Variants in CADM2 observed in about 807,000 individuals in gnomAD.
CADM2 encodes the protein cell adhesion molecule 2.
In CADM2, 12 loss-of-function variants were observed where a neutral mutation model predicts 49.8. The observed-to-expected ratio is 0.24, with a 90% CI of 0.15 to 0.39. The LOEUF is 0.39. Among genes scored for constraint, CADM2 ranks in the 10% least tolerant of loss-of-function variants. The pLI is 1.00. For synonymous variants in CADM2, 214 were observed against 175.4 expected (o/e 1.22, Z -1.74); for missense variants, 378 against 492.3 (o/e 0.77, Z 2.20).
At chr3:85,349,261 G>T (rs1201232156) in intron 1 of CADM2, among the ~76,000 whole-genome samples, 2 of 152,170 alleles carry the variant, frequency 1.3e-5, no homozygotes, top group Non-Finnish European at 2.9e-5. Flanking sequence ...AAGTGAAAGA[G>T]TTAAATGAAA....
intron 1 of CADM2, among the ~76,000 whole-genome samples, chr3:85,235,873 A>G (rs925600708): frequency 1.3e-5 from 2 of 152,124 alleles, no homozygotes; most frequent in Non-Finnish European, 2.9e-5. Flanking sequence ...TTAAAAGTCA[A>G]TCCTGTAGGT....
chr3:85,791,020 C>A (rs1297325805), intron 2 of CADM2, among the ~76,000 whole-genome samples: 2 of 152,096 alleles, frequency 1.3e-5, no homozygotes, highest in Non-Finnish European at 2.9e-5. Context: ...ATGTGGTTGC[C>A]TAGGACAGCA....
At chr3:85,412,096 A>G (rs1179631732) in intron 1 of CADM2, among the ~76,000 whole-genome samples, 2 of 152,146 alleles carry the variant, frequency 1.3e-5, no homozygotes, top group Non-Finnish European at 2.9e-5. Context: ...GACCAAAGTT[A>G]TGGGATTAAA....
chr3:85,537,607 GCTATTTAACATGTCATGA>G (rs35882540), intron 1 of CADM2, among the ~76,000 whole-genome samples: 77,442 of 151,456 alleles, frequency 0.51, 22,859 homozygotes, highest in East Asian at 0.85. Context: ...TGTAGATTAT[GCTATTTAACATGTCATGA>G]CTATTTAACA....
chr3:85,448,184 T>A (rs550127870), intron 1 of CADM2, among the ~76,000 whole-genome samples: 3 of 150,978 alleles, frequency 2.0e-5, no homozygotes, highest in Non-Finnish European at 4.4e-5. Context: ...ACAAAAAAAA[T>A]TAGCCAGGCG....
chr3:85,052,354 T>C (rs187467179), intron 1 of CADM2, among the ~76,000 whole-genome samples: 1 of 152,204 alleles, frequency 6.6e-6, no homozygotes, highest in African/African-American at 2.4e-5. Flanking sequence ...AAATCAAGTA[T>C]TACCATTGAC....
intron 1 of CADM2, among the ~76,000 whole-genome samples, chr3:85,145,938 G>T (rs2107636709): frequency 6.6e-6 from 1 of 152,190 alleles, no homozygotes; most frequent in East Asian, 1.9e-4. Context: ...TTAAATAAAA[G>T]AAAGTTCTTC....
At chr3:85,628,676 C>T (rs980675170) in intron 1 of CADM2, among the ~76,000 whole-genome samples, 6 of 145,708 alleles carry the variant, frequency 4.1e-5, no homozygotes, top group African/African-American at 1.0e-4. Context: ...TATATATACA[C>T]ATATATATAT....
intron 1 of CADM2, among the ~76,000 whole-genome samples, chr3:85,354,410 G>C (rs896857131): frequency 6.7e-6 from 1 of 150,024 alleles, no homozygotes; most frequent in Non-Finnish European, 1.5e-5. Flanking sequence ...GCTAAATGAC[G>C]AGTTAATGGG....
intron 1 of CADM2, among the ~76,000 whole-genome samples, chr3:85,680,312 T>C (rs548375845): frequency 6.6e-6 from 1 of 152,258 alleles, no homozygotes; most frequent in East Asian, 1.9e-4. Flanking sequence ...TCTGAATCGG[T>C]GGAATTTTGA....
chr3:85,504,683 C>T (rs549615271), intron 1 of CADM2, among the ~76,000 whole-genome samples: 9 of 152,338 alleles, frequency 5.9e-5, no homozygotes, highest in Admixed American at 1.3e-4. Flanking sequence ...CCGCACTCCG[C>T]AGCCCTTGGG....
chr3:85,846,393 A>G (rs1370317792), intron 3 of CADM2, among the ~76,000 whole-genome samples: 2 of 152,126 alleles, frequency 1.3e-5, no homozygotes, highest in Non-Finnish European at 2.9e-5. Context: ...ACTTGGGAAG[A>G]GGTAGATTTT....
intron 8 of CADM2, among the ~76,000 whole-genome samples, chr3:86,001,269 A>G (rs1368852230): frequency 6.6e-6 from 1 of 152,094 alleles, no homozygotes; most frequent in Non-Finnish European, 1.5e-5. Flanking sequence ...AAAATTTAAT[A>G]TTGAGTGAAG....
intron 1 of CADM2, among the ~76,000 whole-genome samples, chr3:85,381,679 G>A (rs1201770310): frequency 4.0e-5 from 6 of 151,440 alleles, no homozygotes; most frequent in Non-Finnish European, 7.4e-5. Context: ...TATTTTTAGA[G>A]TTTATACACT....
At chr3:85,604,862 C>A (rs2063504722) in intron 1 of CADM2, among the ~76,000 whole-genome samples, 1 of 151,918 alleles carries the variant, frequency 6.6e-6, no homozygotes, top group Non-Finnish European at 1.5e-5. Context: ...GTGATACATG[C>A]CACTTTACGC....
intron 8 of CADM2, among the ~76,000 whole-genome samples, chr3:86,041,779 T>C (rs1056781458): frequency 3.3e-5 from 5 of 152,172 alleles, no homozygotes; most frequent in African/African-American, 7.2e-5. Flanking sequence ...AAATATACTT[T>C]CTTTTCAGCA....
At chr3:85,927,257 A>AT (rs1719991647) in intron 6 of CADM2, among the ~76,000 whole-genome samples, 1 of 152,232 alleles carries the variant, frequency 6.6e-6, no homozygotes, top group Admixed American at 6.5e-5. Flanking sequence ...TTACTCAACA[A>AT]TTACTTAATT....
At chr3:85,467,184 A>T (rs149853427) in intron 1 of CADM2, among the ~76,000 whole-genome samples, 24 of 152,308 alleles carry the variant, frequency 1.6e-4, no homozygotes, top group African/African-American at 5.8e-4. Flanking sequence ...GAACTTCAGC[A>T]ACAAATCATG....
intron 1 of CADM2, among the ~76,000 whole-genome samples, chr3:85,067,301 G>A (rs1037460875): frequency 7.9e-5 from 12 of 152,044 alleles, no homozygotes; most frequent in African/African-American, 2.9e-4. Context: ...GTGTTTGTGT[G>A]TGTGTGTGGT....
Sources: allele counts gnomAD v4.1 joint callset (sites outside exome capture counted in the v4.1 genomes callset), GRCh38; gene constraint gnomAD v4.1.1; transcripts MANE v1.5; gene names NCBI Gene and HGNC (gene_info 2026-07-23, HGNC 2026-07-21).